The following SPATA31H1 variants were observed in gnomAD, a reference collection of about 807,000 sequenced individuals.
SPATA31H1 encodes SPATA31 subfamily H member 1.
the SPATA31H1 span, among the ~76,000 whole-genome samples, chr2:27,565,739 A>C: frequency 1.3e-5 from 2 of 151,888 alleles, 1 homozygote; most frequent in East Asian, 3.9e-4. Context: ...TACTGGATAG[A>C]CTCCTTTGGA....
chr2:27,545,579 C>CTT, the SPATA31H1 span, among the ~76,000 whole-genome samples: 5,307 of 141,232 alleles, frequency 0.038, 380 homozygotes, highest in African/African-American at 0.13. Flanking sequence ...TTTCCTTTTT[C>CTT]TTTTTTTTTT....
the SPATA31H1 span, chr2:27,577,379 C>G: frequency 1.2e-6 from 2 of 1,613,954 alleles, no homozygotes; most frequent in African/African-American, 1.3e-5. This position sits in a 1 kb window ranked among gnomAD's most constrained non-coding sequence, Gnocchi z 4.5. Context: ...CTCCGGAACT[C>G]AAGCATTACT....
the SPATA31H1 span, chr2:27,580,491 A>G: frequency 1.2e-6 from 2 of 1,614,180 alleles, no homozygotes; most frequent in Non-Finnish European, 1.7e-6. Context: ...CTACACAAAC[A>G]GTAGAACCAC....
the SPATA31H1 span, among the ~76,000 whole-genome samples, chr2:27,543,646 T>G: frequency 6.6e-6 from 1 of 151,752 alleles, no homozygotes; most frequent in African/African-American, 2.4e-5. Flanking sequence ...TAGAAGTGAG[T>G]CAGGCCCTTA....
the SPATA31H1 span, chr2:27,580,896 A>G: frequency 6.2e-7 from 1 of 1,614,140 alleles, no homozygotes; most frequent in Non-Finnish European, 8.5e-7. Flanking sequence ...TCAACAGCCA[A>G]GAAGAGCTTA....
the SPATA31H1 span, chr2:27,580,507 A>G: frequency 6.2e-7 from 1 of 1,614,244 alleles, no homozygotes; most frequent in South Asian, 1.1e-5. Context: ...ACCACAATAG[A>G]GAGTCCTTCT....
chr2:27,567,461 C>T, the SPATA31H1 span: 1 of 426,330 alleles, frequency 2.3e-6, no homozygotes, highest in African/African-American at 2.0e-5. Context: ...AAAATATCAA[C>T]AACAAATCCT....
At chr2:27,571,670 A>G in the SPATA31H1 span, 6 of 398,434 alleles carry the variant, frequency 1.5e-5, no homozygotes, top group East Asian at 2.1e-4. Flanking sequence ...AAAGTGTGAA[A>G]CCTGAAGAAC....
the SPATA31H1 span, among the ~76,000 whole-genome samples, chr2:27,564,693 C>T: frequency 6.6e-6 from 1 of 151,872 alleles, no homozygotes; most frequent in East Asian, 1.9e-4. Flanking sequence ...GGCTTAGCTA[C>T]TCAGGAGGCT....
At chr2:27,552,363 T>G in the SPATA31H1 span, among the ~76,000 whole-genome samples, 150,705 of 151,952 alleles carry the variant, frequency 0.99, 74,755 homozygotes, top group Middle Eastern at 1. Context: ...TTTTCCTATC[T>G]AATGGTCTTG....
the SPATA31H1 span, among the ~76,000 whole-genome samples, chr2:27,546,345 T>C: frequency 0.16 from 23,724 of 151,834 alleles, 2,246 homozygotes; most frequent in South Asian, 0.27. Context: ...TTTAGCTCTA[T>C]GATCCATCTC....
At chr2:27,581,115 A>C in the SPATA31H1 span, 4 of 1,614,212 alleles carry the variant, frequency 2.5e-6, no homozygotes, top group Admixed American at 6.7e-5. Flanking sequence ...GGCCCGAGGA[A>C]GAATCCTACC....
the SPATA31H1 span, among the ~76,000 whole-genome samples, chr2:27,559,950 C>T: frequency 1.3e-5 from 2 of 152,016 alleles, no homozygotes; most frequent in South Asian, 2.1e-4. Flanking sequence ...TCACTGCAAC[C>T]TCCACCTCCC....
At chr2:27,569,637 T>C in the SPATA31H1 span, 1 of 398,716 alleles carries the variant, frequency 2.5e-6, no homozygotes, top group East Asian at 3.6e-5. Flanking sequence ...AGAGTCACAG[T>C]TGCAAGATAT....
At chr2:27,556,067 G>A in the SPATA31H1 span, among the ~76,000 whole-genome samples, 1 of 150,630 alleles carries the variant, frequency 6.6e-6, no homozygotes, top group African/African-American at 2.5e-5. Context: ...GGGAGGCGGA[G>A]GTTGCAGTGA....
chr2:27,570,614 A>G, the SPATA31H1 span: 4 of 398,938 alleles, frequency 1.0e-5, no homozygotes, highest in Non-Finnish European at 1.8e-5. Context: ...TAGTACCAGG[A>G]ACTCAACCTC....
the SPATA31H1 span, chr2:27,579,342 T>A: frequency 2.4e-5 from 39 of 1,614,232 alleles, no homozygotes; most frequent in Non-Finnish European, 3.2e-5. Flanking sequence ...TACCTGTCAA[T>A]CTATTCAGAA....
At chr2:27,575,655 C>T in the SPATA31H1 span, 1 of 398,474 alleles carries the variant, frequency 2.5e-6, no homozygotes, top group South Asian at 1.3e-4. The surrounding 1 kb of genome is among the most constrained non-coding windows in gnomAD (Gnocchi z 4.1). Flanking sequence ...TCCAGAGCCA[C>T]CACATCAGTG....
At chr2:27,578,968 A>G in the SPATA31H1 span, 1 of 1,614,068 alleles carries the variant, frequency 6.2e-7, no homozygotes, top group Non-Finnish European at 8.5e-7. Flanking sequence ...CTTCATAATC[A>G]AAGCTCCGAT....
Sources: allele counts gnomAD v4.1 joint callset (sites outside exome capture counted in the v4.1 genomes callset), GRCh38; gene constraint gnomAD v4.1.1; non-coding constraint Gnocchi (gnomAD v3.1); transcripts MANE v1.5; gene names NCBI Gene and HGNC (gene_info 2026-07-23, HGNC 2026-07-21).